Variants in RAB11FIP1 observed in about 807,000 individuals in gnomAD.
RAB11FIP1 encodes RAB11 family interacting protein 1.
In RAB11FIP1, 49 loss-of-function variants were observed where a neutral mutation model predicts 83.1. The ratio of observed to expected loss-of-function variants is 0.59; its 90% CI spans 0.47 to 0.75. The LOEUF (loss-of-function observed/expected upper bound fraction) is 0.75. Among genes scored for constraint, RAB11FIP1 ranks in the 30% least tolerant of loss-of-function variants. The pLI, the probability that RAB11FIP1 is intolerant of heterozygous loss-of-function variation, is 0.00. For synonymous variants in RAB11FIP1, 670 were observed against 656.0 expected (o/e 1.02, Z -0.33); for missense variants, 1,536 against 1,598.7 (o/e 0.96, Z 0.67).
In RAB11FIP1 at chr8:37,875,051, C is replaced by T. The variant is rs370572735; in HGVS notation, c.1086G>A (p.Ala362=). Residue 362 remains alanine (A), a synonymous_variant, in exon 3 of 6, where the codon GCG becomes GCA. Transcript: ENST00000330843. ...KHLFSSTENL[A]AGSWKEPAEG... is the part of the protein sequence containing the mutation. ...CAGCAGGCTCCTTCCAAGACCCAGC[C>T]GCCAGGTTCTCTGTAGAAGAGAACA... The T allele has an allele frequency of 2.4e-5, 39 of 1,614,014 alleles. No individual in the cohort carries two copies. The highest frequency in any genetic ancestry group is 1.6e-4 in the Middle Eastern group (1 of 6,076).
chr8:37,869,139 G>T (rs1215374428), intron 5 of RAB11FIP1, among the ~76,000 whole-genome samples: 1 of 147,958 alleles, frequency 6.8e-6, no homozygotes, highest in Non-Finnish European at 1.5e-5. Context: ...GAGGTGAGAG[G>T]ATTGATTGGG....
Position 37,877,142 on chromosome 8 carries a change from C to G in RAB11FIP1, c.781G>C (p.Asp261His). The G allele has an allele frequency of 6.2e-7, 1 of 1,613,986 alleles. No homozygotes were observed. Among genetic ancestry groups the G allele is most frequent in the Non-Finnish European group, 8.5e-7 (1 of 1,179,908 alleles). The change falls in exon 2 of 6, where the codon GAC (aspartate) becomes CAC (histidine). Residue 261 changes from aspartate to histidine, a missense_variant. Transcript: ENST00000330843. The stretch of plus-strand genomic sequence containing the variant: ...GCCGAGGAGGACTCATCCTCATTGT[C>G]ATCTTCATCCCACTGGGACTGAAAG... ...GDFQSQWDED[D>H]NEDESSSASD...
chr8:37,891,202 C>T (rs983970147), intron 1 of RAB11FIP1, among the ~76,000 whole-genome samples: 1 of 152,172 alleles, frequency 6.6e-6, no homozygotes, highest in Non-Finnish European at 1.5e-5. Flanking sequence ...AATTCAGAGA[C>T]CCTTAGGTCT....
At chr8:37,874,444 G>T in intron 3 of RAB11FIP1, 71 bp downstream of exon 3, 1 of 1,198,784 alleles carries the variant, frequency 8.3e-7, no homozygotes, top group Non-Finnish European at 1.2e-6. Flanking sequence ...CACAAGAGCT[G>T]GTCTAACGTA....
chr8:37,867,756 AGAAG>A (rs955290067), intron 5 of RAB11FIP1, among the ~76,000 whole-genome samples: 49 of 151,980 alleles, frequency 3.2e-4, no homozygotes, highest in African/African-American at 8.2e-4. Context: ...AAAGAAGGAA[AGAAG>A]GAAGGAAGGA....
chr8:37,892,912 T>C (rs1327120138), intron 1 of RAB11FIP1, among the ~76,000 whole-genome samples: 1 of 152,056 alleles, frequency 6.6e-6, no homozygotes, highest in Non-Finnish European at 1.5e-5. Flanking sequence ...CACTCCTCAC[T>C]AGAAAAATTC....
intron 1 of RAB11FIP1, among the ~76,000 whole-genome samples, chr8:37,892,842 G>C (rs1806977594): frequency 6.6e-6 from 1 of 152,024 alleles, no homozygotes; most frequent in South Asian, 2.1e-4. Flanking sequence ...CCACTTCCCA[G>C]GTATTCCTGC....
chr8:37,897,141 A>G (rs576997867), intron 1 of RAB11FIP1, among the ~76,000 whole-genome samples: 1 of 152,154 alleles, frequency 6.6e-6, no homozygotes, highest in South Asian at 2.1e-4. Context: ...TGATGCTGTG[A>G]GATACCCCAT....
At position 37,875,028 on chromosome 8, in the gene RAB11FIP1, G is replaced by A; in HGVS notation, c.1109C>T (p.Ala370Val). 1 of 1,614,146 alleles carries A rather than the reference G, an allele frequency of 6.2e-7. No homozygotes were observed. Among genetic ancestry groups the A allele is most frequent in the Non-Finnish European group, 8.5e-7 (1 of 1,180,034 alleles). The change falls in exon 3 of 6, where the codon GCT becomes GTT. Residue 370 changes from alanine to valine, a missense_variant. Transcript: ENST00000330843. ...NLAAGSWKEP[A>V]EGGGLSSDRQ... The stretch of plus-strand genomic sequence containing the variant: ...GTCAGAAGACAGCCCACCTCCTTCA[G>A]CAGGCTCCTTCCAAGACCCAGCCGC...
At chr8:37,898,607 C>T (rs1807140821) in intron 1 of RAB11FIP1, among the ~76,000 whole-genome samples, 1 of 141,872 alleles carries the variant, frequency 7.0e-6, no homozygotes, top group Non-Finnish European at 1.5e-5. Flanking sequence ...GAGCCGAGAT[C>T]GTGCCACTGC....
At chr8:37,894,423 A>G (rs1807017607) in intron 1 of RAB11FIP1, among the ~76,000 whole-genome samples, 2 of 152,014 alleles carry the variant, frequency 1.3e-5, no homozygotes, top group Non-Finnish European at 2.9e-5. Context: ...CCAAGTATCT[A>G]ACCCTTTATA....
chr8:37,886,126 G>A (rs576187101), intron 1 of RAB11FIP1, among the ~76,000 whole-genome samples: 3 of 152,232 alleles, frequency 2.0e-5, no homozygotes, highest in African/African-American at 7.2e-5. Context: ...CAGTTCCAAC[G>A]TTTTTACATG....
At chr8:37,897,761 C>T (rs1183214045) in intron 1 of RAB11FIP1, among the ~76,000 whole-genome samples, 1 of 152,074 alleles carries the variant, frequency 6.6e-6, no homozygotes, top group Non-Finnish European at 1.5e-5. Flanking sequence ...CTGGAGAAAT[C>T]TTTACTAACA....
In RAB11FIP1 at chr8:37,899,144, G is replaced by T. The variant is rs371070035; in HGVS notation, c.298C>A (p.Leu100Ile). The change falls in exon 1 of 6, where the codon CTC (leucine) becomes ATC (isoleucine). Residue 100 changes from leucine (L) to isoleucine (I), a missense_variant. By Grantham distance (5) the Leu-to-Ile change is conservative (BLOSUM62 2). Transcript: ENST00000330843. This position sits in a 1 kb window ranked among gnomAD's most constrained non-coding sequence, Gnocchi z 4.5. Reference protein sequence around the residue: ...LTVLHRALLGLDKFLGRAEVD... With the variant: ...LTVLHRALLGIDKFLGRAEVD... Reference sequence around the variant, plus strand: ...TCGGCGCGGCCCAGGAACTTGTCGAGGCCGAGCAGCGCGCGGTGCAGCACG... The same window carrying T: ...TCGGCGCGGCCCAGGAACTTGTCGATGCCGAGCAGCGCGCGGTGCAGCACG... 205 of 1,545,092 alleles carry T rather than the reference G, an allele frequency of 1.3e-4. No individual in the cohort carries two copies. Among genetic ancestry groups the T allele is most frequent in the Non-Finnish European group, 1.7e-4 (194 of 1,155,356 alleles).
chr8:37,869,584 G>A (rs1436316049), intron 5 of RAB11FIP1, among the ~76,000 whole-genome samples: 2 of 151,820 alleles, frequency 1.3e-5, no homozygotes, highest in African/African-American at 2.4e-5. Flanking sequence ...AGAGTGAGAC[G>A]CCATCTCAAA....
chr8:37,877,426 G>C lies in RAB11FIP1; in HGVS notation c.497C>G (p.Ser166Cys). The C allele has an allele frequency of 6.2e-7, 1 of 1,614,070 alleles. No homozygotes were observed. Reference protein sequence around the residue: ...SMFDLSMKDKSRNPFGKLKDK... With the variant: ...SMFDLSMKDKCRNPFGKLKDK... ...CTTCAGCTTTCCAAATGGATTCCGAGACTTGTCTTTCATAGAAAGGTCAAA... is the reference window on the plus strand; with the variant it reads ...CTTCAGCTTTCCAAATGGATTCCGACACTTGTCTTTCATAGAAAGGTCAAA... The change falls in exon 2 of 6, where the codon TCT becomes TGT. Residue 166 changes from serine to cysteine, a missense_variant. Physicochemically the swap from Ser to Cys is moderately radical, Grantham distance 112. Coordinates refer to ENST00000330843, the MANE Select transcript of RAB11FIP1 (RefSeq NM_001002814.3).
intron 1 of RAB11FIP1, among the ~76,000 whole-genome samples, chr8:37,894,318 A>C (rs1402692168): frequency 6.6e-6 from 1 of 152,190 alleles, no homozygotes; most frequent in Non-Finnish European, 1.5e-5. Context: ...CTCTCCCAGA[A>C]AAACAACTAT....
At chr8:37,877,929 AG>A (rs968091847) in intron 1 of RAB11FIP1, 1 of 161,110 alleles carries the variant, frequency 6.2e-6, no homozygotes, top group African/African-American at 2.4e-5. Context: ...CATGGTAGCC[AG>A]GCTGGACTCG....
intron 5 of RAB11FIP1, among the ~76,000 whole-genome samples, chr8:37,869,682 T>A (rs1434467220): frequency 6.6e-6 from 1 of 152,146 alleles, no homozygotes; most frequent in Non-Finnish European, 1.5e-5. Flanking sequence ...GAACATGAGG[T>A]ACACAACTTA....
Sources: gnomAD v4.1 joint callset for allele counts (sites outside exome capture counted in the v4.1 genomes callset) on GRCh38, gnomAD v4.1.1 for gene constraint, Gnocchi (gnomAD v3.1) non-coding constraint, MANE v1.5 for transcripts, NCBI Gene and HGNC (gene_info 2026-07-23, HGNC 2026-07-21) for gene names.